Variants in MAST2 observed in about 807,000 individuals in gnomAD.
MAST2 encodes microtubule associated serine/threonine kinase 2, also known as microtubule-associated serine/threonine-protein kinase 2.
MAST2 carries 70 observed loss-of-function variants against 147.4 expected under a neutral mutation model. That is an observed-to-expected ratio of 0.47 (90% CI 0.39 to 0.58). MAST2 has a LOEUF of 0.58. MAST2 is among the 20% of genes least tolerant of loss of function. MAST2 has a pLI of 0.00. For synonymous variants in MAST2, 869 were observed against 896.8 expected (o/e 0.97, Z 0.55); for missense variants, 2,080 against 2,302.3 (o/e 0.90, Z 1.98).
intron 3 of MAST2, among the ~76,000 whole-genome samples, chr1:45,852,953 G>A (rs1487279027): frequency 6.6e-6 from 1 of 151,368 alleles, no homozygotes; most frequent in Non-Finnish European, 1.5e-5. Flanking sequence ...ATTTTTTGTT[G>A]AGATGGTATC....
intron 3 of MAST2, among the ~76,000 whole-genome samples, chr1:45,854,484 G>A (rs1645726120): frequency 6.6e-6 from 1 of 152,100 alleles, no homozygotes; most frequent in South Asian, 2.1e-4. Context: ...ATTGGGTAGA[G>A]TGATTCCTTA....
At chr1:45,819,009 T>C (rs1644538913) in intron 1 of MAST2, among the ~76,000 whole-genome samples, 1 of 152,022 alleles carries the variant, frequency 6.6e-6, no homozygotes, top group Admixed American at 6.6e-5. Flanking sequence ...ATCCCAGCAC[T>C]TTGGGAGGCT....
intron 6 of MAST2, among the ~76,000 whole-genome samples, chr1:46,001,397 G>C (rs566765496): frequency 6.6e-6 from 1 of 152,298 alleles, no homozygotes; most frequent in South Asian, 2.1e-4. Flanking sequence ...TTCTATCTAA[G>C]GGGAGGAAAA....
At chr1:45,898,831 T>C (rs1570611828) in intron 4 of MAST2, among the ~76,000 whole-genome samples, 1 of 152,166 alleles carries the variant, frequency 6.6e-6, no homozygotes, top group South Asian at 2.1e-4. Flanking sequence ...ACTCACTTTT[T>C]TTCAGGGACT....
At chr1:45,804,936 C>G (rs1221933500) in intron 1 of MAST2, among the ~76,000 whole-genome samples, 1 of 152,158 alleles carries the variant, frequency 6.6e-6, no homozygotes. Context: ...CTAGTGACAG[C>G]TTTCCTTTTG....
Position 45,901,372 on chromosome 1 carries a change from G to T in MAST2, c.500+18977G>T, listed in dbSNP as rs1294321437. Among the ~76,000 whole-genome samples, 3 of 152,160 alleles carry T rather than the reference G, an allele frequency of 2.0e-5. No individual in the cohort carries two copies. The East Asian group carries it at 5.8e-4, about 29-fold the overall frequency. ...TTCATTGAGCTGTGTGTCTGTTTTT[G>T]TACCAGTACCATGATGTTTTGGTGA... is the stretch of plus-strand genomic sequence containing the variant. On this transcript the variant is annotated intron_variant, in intron 4 of 28. Transcript: ENST00000361297.
chr1:45,827,031 T>G (rs887512557), intron 2 of MAST2, among the ~76,000 whole-genome samples: 2 of 152,032 alleles, frequency 1.3e-5, no homozygotes, highest in South Asian at 4.1e-4. Flanking sequence ...GGTTTCACTA[T>G]GTTGGCCAGA....
rs1334272571 is a variant in MAST2, at chr1:46,023,185, G to A, written c.1486-48G>A. ...AGAGCCACAGCTTCTGCAAGGATAT[G>A]GGCTCTGAGAAGCATGCCTGTCTCC... On this transcript the variant is annotated intron_variant, in intron 13 of 28. Coordinates refer to ENST00000361297, the MANE Select transcript of MAST2 (RefSeq NM_015112.3). The surrounding 1 kb of genome is among the most constrained non-coding windows in gnomAD (Gnocchi z 4.9). 3 of 1,514,350 alleles carry A rather than the reference G, an allele frequency of 2.0e-6. No individual in the cohort carries two copies. In the Admixed American group the frequency reaches 5.0e-5, roughly 25 times the overall value. 93.8% of individuals were successfully genotyped at this position (1,514,350 alleles called of 1,614,324 possible). A position where few individuals can be genotyped will look rare whatever the true frequency, so the allele number is the denominator to read the frequency against.
intron 3 of MAST2, among the ~76,000 whole-genome samples, chr1:45,877,245 C>T (rs1426455768): frequency 1.3e-5 from 2 of 152,134 alleles, no homozygotes; most frequent in Non-Finnish European, 2.9e-5. Flanking sequence ...TGTATGAAGC[C>T]TCTTTTTTTT....
intron 3 of MAST2, among the ~76,000 whole-genome samples, chr1:45,868,847 G>A (rs546231426): frequency 9.9e-5 from 15 of 152,284 alleles, no homozygotes; most frequent in African/African-American, 3.6e-4. Context: ...GGATAAAAAT[G>A]TAACCTAATT....
At chr1:45,838,982 T>C (rs1281726192) in intron 3 of MAST2, among the ~76,000 whole-genome samples, 1 of 152,104 alleles carries the variant, frequency 6.6e-6, no homozygotes, top group East Asian at 1.9e-4. Context: ...TTTTCTTTTT[T>C]TTTTCCTTTG....
At chr1:45,955,815 C>T (rs1415008811) in intron 4 of MAST2, among the ~76,000 whole-genome samples, 1 of 152,124 alleles carries the variant, frequency 6.6e-6, no homozygotes, top group African/African-American at 2.4e-5. Context: ...AGGCCATCAT[C>T]AGAACTGGCT....
At chr1:45,978,023 C>G (rs935713265) in intron 5 of MAST2, among the ~76,000 whole-genome samples, 1 of 151,974 alleles carries the variant, frequency 6.6e-6, no homozygotes, top group Non-Finnish European at 1.5e-5. Flanking sequence ...CGAGACCAGC[C>G]TGGGCAACAT....
intron 4 of MAST2, among the ~76,000 whole-genome samples, chr1:45,938,438 C>T (rs1208026597): frequency 1.3e-5 from 2 of 152,106 alleles, no homozygotes; most frequent in Non-Finnish European, 2.9e-5. Context: ...ATCCTCCTGC[C>T]TCAGCCTCCC....
chr1:45,899,030 C>G (rs1323460438), intron 4 of MAST2, among the ~76,000 whole-genome samples: 2 of 152,162 alleles, frequency 1.3e-5, no homozygotes, highest in Admixed American at 6.5e-5. Context: ...AGTAAAGACT[C>G]AAACACAGGG....
chr1:46,015,222 A>G (rs1186344997), intron 10 of MAST2, among the ~76,000 whole-genome samples: 1 of 151,870 alleles, frequency 6.6e-6, no homozygotes, highest in Non-Finnish European at 1.5e-5. Flanking sequence ...AAGAGAAAGC[A>G]GGAAAGATCC....
chr1:45,805,296 T>C (rs1363612174), intron 1 of MAST2, among the ~76,000 whole-genome samples: 1 of 151,812 alleles, frequency 6.6e-6, no homozygotes, highest in Non-Finnish European at 1.5e-5. Flanking sequence ...GTAATCGGGA[T>C]TACAGGCATG....
intron 2 of MAST2, among the ~76,000 whole-genome samples, chr1:45,825,034 CTT>C (rs1288227131): frequency 1.3e-5 from 2 of 151,294 alleles, no homozygotes; most frequent in African/African-American, 4.9e-5. Flanking sequence ...CTTTTCTTTC[CTT>C]TTTTTTTGAG....
chr1:45,883,418 T>C (rs879304455), intron 4 of MAST2, among the ~76,000 whole-genome samples: 3 of 152,172 alleles, frequency 2.0e-5, no homozygotes, highest in Non-Finnish European at 4.4e-5. Context: ...CGAAAACTTA[T>C]TTTGGTTTGA....
Sources: allele counts gnomAD v4.1 joint callset (sites outside exome capture counted in the v4.1 genomes callset), GRCh38; gene constraint gnomAD v4.1.1; non-coding constraint Gnocchi (gnomAD v3.1); transcripts MANE v1.5; gene names NCBI Gene and HGNC (gene_info 2026-07-23, HGNC 2026-07-21).